Variants in KLHL29 observed in about 807,000 individuals in gnomAD.
KLHL29 encodes the protein kelch-like protein 29.
KLHL29 carries 21 observed loss-of-function variants against 80.4 expected under a neutral mutation model. The observed-to-expected ratio is 0.26, with a 90% CI of 0.19 to 0.38. The LOEUF (loss-of-function observed/expected upper bound fraction) is 0.38. Ranked by LOEUF, KLHL29 falls within the 10% of genes least tolerant of loss-of-function variation. KLHL29 has a pLI of 1.00. For missense variants in KLHL29, 867 were observed against 1,223.9 expected (o/e 0.71, Z 4.35); for synonymous variants, 511 against 526.8 (o/e 0.97, Z 0.41).
chr2:23,573,862 A>T (rs995784129), intron 3 of KLHL29, among the ~76,000 whole-genome samples: 68 of 152,254 alleles, frequency 4.5e-4, no homozygotes, highest in African/African-American at 1.6e-3. Context: ...TGCCCCCAAG[A>T]CATAGTGCAT....
At chr2:23,625,679 G>A (rs985358022) in intron 3 of KLHL29, among the ~76,000 whole-genome samples, 5 of 152,216 alleles carry the variant, frequency 3.3e-5, no homozygotes, top group African/African-American at 9.7e-5. Flanking sequence ...GTTTCTGAAC[G>A]CCCACTTTGT....
chr2:23,703,493 G>T (rs1672521562), intron 12 of KLHL29, 114 bp downstream of exon 12: 1 of 1,099,410 alleles, frequency 9.1e-7, no homozygotes. Flanking sequence ...TGCAGACCCA[G>T]ATCTAGAGGG....
At chr2:23,528,238 CA>C (rs34485496) in intron 2 of KLHL29, among the ~76,000 whole-genome samples, 27 of 151,488 alleles carry the variant, frequency 1.8e-4, no homozygotes, top group African/African-American at 6.1e-4. Flanking sequence ...GAAAAAGTGA[CA>C]AAAAAAAATT....
chr2:23,465,861 C>G lies in KLHL29; in HGVS notation c.-153-9699C>G, dbSNP rs1248661346. 2.0e-5 allele frequency among the ~76,000 whole-genome samples: 3 copies of G among 152,132 alleles called. No homozygotes were observed. The South Asian group carries it at 6.2e-4, about 32-fold the overall frequency. ...CTCTGGCCATCTTCAGTCCCACTAG[C>G]TTAGTTAACTTAGCCTGCACCATCA... On this transcript the variant is annotated intron_variant, in intron 1 of 13. Transcript: ENST00000486442.
chr2:23,467,570 A>C (rs192025496), intron 1 of KLHL29, among the ~76,000 whole-genome samples: 1 of 152,334 alleles, frequency 6.6e-6, no homozygotes, highest in Admixed American at 6.5e-5. Flanking sequence ...CAAATAAAAT[A>C]GCTTTTTTAC....
At chr2:23,637,819 C>G (rs1669657059) in intron 3 of KLHL29, among the ~76,000 whole-genome samples, 1 of 152,124 alleles carries the variant, frequency 6.6e-6, no homozygotes, top group Non-Finnish European at 1.5e-5. Flanking sequence ...TCAGAAGTCA[C>G]CGTGAGGACC....
intron 1 of KLHL29, among the ~76,000 whole-genome samples, chr2:23,458,628 C>T (rs1395094844): frequency 6.6e-6 from 1 of 152,208 alleles, no homozygotes; most frequent in Non-Finnish European, 1.5e-5. Flanking sequence ...ATGTGGCAAC[C>T]TCACGTCAAG....
intron 2 of KLHL29, among the ~76,000 whole-genome samples, chr2:23,547,122 A>AAACGGAGGCTGTCTCTGCC (rs1374245713): frequency 3.9e-5 from 6 of 152,214 alleles, no homozygotes; most frequent in African/African-American, 1.4e-4. Flanking sequence ...GGGTCTCTGC[A>AAACGGAGGCTGTCTCTGCC]CACGGAGGCT....
chr2:23,679,997 G>C (rs1416108033), intron 5 of KLHL29, among the ~76,000 whole-genome samples: 2 of 152,168 alleles, frequency 1.3e-5, no homozygotes, highest in African/African-American at 4.8e-5. Context: ...AGGAGCGGAG[G>C]GAACGGGGAG....
intron 2 of KLHL29, among the ~76,000 whole-genome samples, chr2:23,478,357 G>A (rs1051026888): frequency 1.3e-5 from 2 of 152,130 alleles, no homozygotes; most frequent in African/African-American, 2.4e-5. Context: ...GAGGCCCCTA[G>A]ATGGTTCTGT....
intron 13 of KLHL29, among the ~76,000 whole-genome samples, chr2:23,705,013 G>A (rs1672629142): frequency 6.6e-6 from 1 of 152,216 alleles, no homozygotes; most frequent in Non-Finnish European, 1.5e-5. Flanking sequence ...ACAGGCGGTT[G>A]GACCAGACAA....
At chr2:23,604,068 G>A (rs1476567657) in intron 3 of KLHL29, among the ~76,000 whole-genome samples, 1 of 152,240 alleles carries the variant, frequency 6.6e-6, no homozygotes, top group Non-Finnish European at 1.5e-5. Context: ...CGAGGGGACC[G>A]TGTTGCTATC....
At chr2:23,633,844 A>T (rs1359899714) in intron 3 of KLHL29, among the ~76,000 whole-genome samples, 1 of 151,636 alleles carries the variant, frequency 6.6e-6, no homozygotes, top group African/African-American at 2.4e-5. Flanking sequence ...CAACTGTGGC[A>T]GTTCCAGGAG....
At chr2:23,588,869 G>GC (rs1337927017) in intron 3 of KLHL29, among the ~76,000 whole-genome samples, 2 of 152,162 alleles carry the variant, frequency 1.3e-5, no homozygotes, top group Non-Finnish European at 2.9e-5. Context: ...GGTTAAGCCT[G>GC]CCGAGAGAGA....
At chr2:23,543,422 T>G (rs922068351) in intron 2 of KLHL29, among the ~76,000 whole-genome samples, 1 of 152,186 alleles carries the variant, frequency 6.6e-6, no homozygotes, top group African/African-American at 2.4e-5. Context: ...GTCATCATTC[T>G]TCAAGCACAG....
At chr2:23,590,285 T>TC (rs1309382540) in intron 3 of KLHL29, among the ~76,000 whole-genome samples, 2 of 151,212 alleles carry the variant, frequency 1.3e-5, no homozygotes, top group Admixed American at 6.6e-5. Context: ...ATTCTGAAGT[T>TC]TTTTTGCCTC....
Position 23,562,035 on chromosome 2 carries a change from A to G in KLHL29, c.-45-117A>G. On this transcript the variant is annotated intron_variant, in intron 2 of 13. Coordinates refer to ENST00000486442, the MANE Select transcript of KLHL29 (RefSeq NM_052920.2). This position sits in a 1 kb window ranked among gnomAD's most constrained non-coding sequence, Gnocchi z 4.5. ...CTTTGTGGGCTAGCGTGACTCTGAA[A>G]TGAGCTAATGTTTGAAGGCCTGTTA... 6 of 711,216 alleles carry G rather than the reference A, an allele frequency of 8.4e-6. No homozygotes were observed. Among genetic ancestry groups the G allele is most frequent in the Non-Finnish European group, 1.4e-5 (6 of 432,200 alleles). The allele number at this position is 711,216 out of a possible 1,614,324, so 44.1% of individuals were successfully genotyped here.
intron 1 of KLHL29, among the ~76,000 whole-genome samples, chr2:23,414,526 A>G (rs550203186): frequency 2.0e-5 from 3 of 152,364 alleles, no homozygotes; most frequent in Admixed American, 6.5e-5. Flanking sequence ...CTGGGTGGAA[A>G]GCATGTCAGC....
intron 2 of KLHL29, among the ~76,000 whole-genome samples, chr2:23,537,342 C>T (rs1666701854): frequency 6.6e-6 from 1 of 151,918 alleles, no homozygotes; most frequent in Non-Finnish European, 1.5e-5. Flanking sequence ...CAGGGAAGGG[C>T]ATTGAAAGTC....
Sources: allele counts gnomAD v4.1 joint callset (sites outside exome capture counted in the v4.1 genomes callset), GRCh38; gene constraint gnomAD v4.1.1; non-coding constraint Gnocchi (gnomAD v3.1); transcripts MANE v1.5; gene names NCBI Gene and HGNC (gene_info 2026-07-23, HGNC 2026-07-21).